The following VPS4B variants were observed in gnomAD, a reference collection of about 807,000 sequenced individuals.
The protein encoded by VPS4B is vacuolar protein sorting 4 homolog B.
A neutral mutation model predicts 56.1 loss-of-function variants in VPS4B; 23 were observed. The observed-to-expected ratio is 0.41, with a 90% confidence interval of 0.30 to 0.58. The LOEUF (loss-of-function observed/expected upper bound fraction) is 0.58, where lower values mean the gene tolerates loss of function less well. Among genes scored for constraint, VPS4B ranks in the 20% least tolerant of loss-of-function variants. The pLI, the probability that VPS4B is intolerant of heterozygous loss-of-function variation, is 0.29. For missense variants in VPS4B, 372 were observed against 531.9 expected, an observed-to-expected ratio of 0.70 and a Z score of 2.96; for synonymous variants, 177 against 186.0, an observed-to-expected ratio of 0.95 and a Z score of 0.39.
At chr18:63,418,237 C>G (rs776582747) in intron 1 of VPS4B, among the ~76,000 whole-genome samples, 18 of 152,128 alleles carry the variant, frequency 1.2e-4, no homozygotes, top group Middle Eastern at 3.2e-3. Flanking sequence ...CAAAGAATAC[C>G]CATGTTCATC....
intron 3 of VPS4B, among the ~76,000 whole-genome samples, chr18:63,408,123 AG>A (rs1416861242): frequency 6.6e-6 from 1 of 152,224 alleles, no homozygotes; most frequent in Non-Finnish European, 1.5e-5. Flanking sequence ...TGTTTGCAAA[AG>A]GGGAAAAAGT....
At chr18:63,410,480 T>C (rs774084139) in intron 2 of VPS4B, 34 bp from the exon 3 acceptor site, 22 of 1,602,230 alleles carry the variant, frequency 1.4e-5, no homozygotes, top group Non-Finnish European at 1.8e-5. Flanking sequence ...TTTTTTTCCA[T>C]TAGTATTCTA....
At chr18:63,394,402 A>C (rs1411737803) in intron 9 of VPS4B, among the ~76,000 whole-genome samples, 1 of 152,178 alleles carries the variant, frequency 6.6e-6, no homozygotes, top group African/African-American at 2.4e-5. Context: ...CCAGAAAAAG[A>C]ATCTTTGTGA....
intron 4 of VPS4B, among the ~76,000 whole-genome samples, chr18:63,405,820 C>T (rs1454780017): frequency 2.0e-5 from 3 of 149,370 alleles, no homozygotes; most frequent in Non-Finnish European, 4.5e-5. Flanking sequence ...AACAAACAAA[C>T]AAACAAAAAA....
intron 1 of VPS4B, among the ~76,000 whole-genome samples, chr18:63,421,037 C>CAAAA (rs36083080): frequency 1.9e-5 from 1 of 52,002 alleles, no homozygotes; most frequent in Admixed American, 2.1e-4. Context: ...GACTCCGTCT[C>CAAAA]AAAAAAAAAA....
chr18:63,401,016 A>AG (rs968080123), intron 5 of VPS4B, among the ~76,000 whole-genome samples: 1 of 152,362 alleles, frequency 6.6e-6, no homozygotes, highest in Non-Finnish European at 1.5e-5. Context: ...GGAGTCTAGT[A>AG]GGGGAAAAGA....
chr18:63,421,806 T>C (rs1916307873), intron 1 of VPS4B, among the ~76,000 whole-genome samples: 1 of 152,180 alleles, frequency 6.6e-6, no homozygotes, highest in South Asian at 2.1e-4. Flanking sequence ...TGTTCCCATA[T>C]CTCTACTCAC....
In VPS4B at chr18:63,407,454, C is replaced by CT; in HGVS notation, c.341dup (p.Lys115GlufsTer21). ...AACCTTGAAGTTGATTCTGTAGTTT[C>CT]TTTTTTTCAGGATCATCAGATTCTC... On this transcript the variant is annotated frameshift_variant, in exon 4 of 11. Coordinates refer to ENST00000238497, the MANE Select transcript of VPS4B (RefSeq NM_004869.4). LOFTEE classifies it high-confidence loss of function. 1.9e-6 allele frequency: 3 copies of CT among 1,609,344 alleles called. No homozygotes were observed. Among genetic ancestry groups the CT allele is most frequent in the Non-Finnish European group, 2.5e-6 (3 of 1,178,580 alleles).
In VPS4B at chr18:63,410,436, C is replaced by T. The variant is rs1234944049; in HGVS notation, c.150G>A (p.Gln50=). ...YFLHVVKYEA[Q]GDKAKQSIRA... is the part of the protein sequence containing the mutation. ...TGATACTTTGCTTGGCTTTATCACC[C>T]TGTGCTTCATCTATTAAAGGGAAAT... Residue 50 remains glutamine, a synonymous_variant, in exon 3 of 11, where the codon CAG becomes CAA. Coordinates refer to ENST00000238497, the MANE Select transcript of VPS4B (RefSeq NM_004869.4). 1.2e-6 allele frequency: 2 copies of T among 1,612,722 alleles called. No homozygotes were observed. The highest frequency in any genetic ancestry group is 8.5e-7 in the Non-Finnish European group (1 of 1,179,990).
chr18:63,391,099 G>C (rs774550938), intron 10 of VPS4B, 23 bp from the exon 11 acceptor site: 2 of 1,476,974 alleles, frequency 1.4e-6, no homozygotes, highest in Non-Finnish European at 1.9e-6. Flanking sequence ...AAGAAGGGTA[G>C]GGAGGATATT....
intron 4 of VPS4B, among the ~76,000 whole-genome samples, chr18:63,405,111 G>C (rs932001684): frequency 2.6e-5 from 4 of 151,980 alleles, no homozygotes; most frequent in Admixed American, 6.6e-5. Flanking sequence ...ATACTTCTAA[G>C]TTAAAAGGTG....
Position 63,389,556 on chromosome 18 carries a change from G to A in VPS4B, c.*1419C>T, listed in dbSNP as rs1484449775. On this transcript the variant is annotated 3_prime_UTR_variant, in exon 11 of 11. Transcript: ENST00000238497. ...GCAATTCTACAAGGCACAACTCAGC[G>A]TTGATGCTAAAGTATGAAACACATC... The A allele has an allele frequency of 2.0e-5, 3 of 152,612 alleles. No individual in the cohort carries two copies. Among genetic ancestry groups the A allele is most frequent in the South Asian group, 2.1e-4 (1 of 4,830 alleles). 9.5% of individuals were successfully genotyped at this position (152,612 alleles called of 1,614,324 possible).
At chr18:63,398,340 G>A (rs955961046) in intron 8 of VPS4B, among the ~76,000 whole-genome samples, 5 of 151,700 alleles carry the variant, frequency 3.3e-5, no homozygotes, top group Middle Eastern at 3.4e-3. Flanking sequence ...TCAGCTTCCC[G>A]AGTAGCTGGG....
chr18:63,411,888 T>C (rs1916053437), intron 1 of VPS4B, among the ~76,000 whole-genome samples: 1 of 152,152 alleles, frequency 6.6e-6, no homozygotes, highest in Non-Finnish European at 1.5e-5. Context: ...TAAAGTTAAA[T>C]TTAGGGCTAA....
intron 9 of VPS4B, 30 bp downstream of exon 9, chr18:63,397,004 G>C: frequency 4.5e-6 from 6 of 1,333,766 alleles, no homozygotes; most frequent in Non-Finnish European, 6.2e-6. Context: ...AAAAAAAAAA[G>C]ATAGGAAAGG....
Position 63,390,876 on chromosome 18 carries a change from G to A in VPS4B, c.*99C>T. 1 of 783,192 alleles carries A rather than the reference G, an allele frequency of 1.3e-6. No homozygotes were observed. The allele number at this position is 783,192 out of a possible 1,614,324, so 48.5% of individuals were successfully genotyped here. On this transcript the variant is annotated 3_prime_UTR_variant, in exon 11 of 11. Coordinates refer to ENST00000238497, the MANE Select transcript of VPS4B (RefSeq NM_004869.4). ...GAAGTGAGATGTGTATTTCCCTGTGGTAAAAGAGTTTTACTGGAAACAATT... is the reference window on the plus strand; with the variant it reads ...GAAGTGAGATGTGTATTTCCCTGTGATAAAAGAGTTTTACTGGAAACAATT...
chr18:63,405,816 C>T (rs911969268), intron 4 of VPS4B, among the ~76,000 whole-genome samples: 1 of 150,004 alleles, frequency 6.7e-6, no homozygotes, highest in African/African-American at 2.5e-5. Flanking sequence ...AACAAACAAA[C>T]AAACAAACAA....
rs914626800 is a variant in VPS4B, at chr18:63,422,437, C to T, written c.-178G>A. The T allele has an allele frequency of 6.4e-6, 3 of 468,254 alleles. No individual in the cohort carries two copies. Among genetic ancestry groups the T allele is most frequent in the African/African-American group, 4.0e-5 (2 of 49,430 alleles). The allele number at this position is 468,254 out of a possible 1,614,324, so 29.0% of individuals were successfully genotyped here. ...GACAACACTCTCTCCACCAGAGCTC[C>T]GACCCTCCCCACCAAACTTCCGCAA... is the stretch of plus-strand genomic sequence containing the variant. On this transcript the variant is annotated 5_prime_UTR_variant, in exon 1 of 11. Coordinates refer to ENST00000238497, the MANE Select transcript of VPS4B (RefSeq NM_004869.4).
intron 1 of VPS4B, among the ~76,000 whole-genome samples, chr18:63,414,019 G>A (rs1210434936): frequency 6.6e-6 from 1 of 152,170 alleles, no homozygotes; most frequent in Non-Finnish European, 1.5e-5. Flanking sequence ...CAGTCAAGTG[G>A]TGGTTAGGTC....
Sources: allele counts gnomAD v4.1 joint callset (sites outside exome capture counted in the v4.1 genomes callset), GRCh38; gene constraint gnomAD v4.1.1; transcripts MANE v1.5; gene names NCBI Gene and HGNC (gene_info 2026-07-23, HGNC 2026-07-21).